The following ROBO2 variants were observed in gnomAD, a reference collection of about 807,000 sequenced individuals.
ROBO2 encodes the protein roundabout guidance receptor 2.
A neutral mutation model predicts 160.8 loss-of-function variants in ROBO2; 53 were observed. That is an observed-to-expected ratio of 0.33 (90% CI 0.26 to 0.41). ROBO2 has a LOEUF of 0.41. Ranked by LOEUF, ROBO2 falls within the 10% of genes least tolerant of loss-of-function variation. The pLI is 1.00. For synonymous variants in ROBO2, 664 were observed against 611.7 expected (o/e 1.09, Z -1.26); for missense variants, 1,577 against 1,722.4 (o/e 0.92, Z 1.49).
intron 2 of ROBO2, among the ~76,000 whole-genome samples, chr3:76,219,450 A>G (rs1703803751): frequency 6.6e-6 from 1 of 152,238 alleles, no homozygotes; most frequent in African/African-American, 2.4e-5. Context: ...AATATCCAGA[A>G]TCTACAATGA....
At chr3:77,015,710 A>G (rs1246386311) in intron 2 of ROBO2, among the ~76,000 whole-genome samples, 1 of 152,206 alleles carries the variant, frequency 6.6e-6, no homozygotes, top group Non-Finnish European at 1.5e-5. Context: ...ACTGAAAAGA[A>G]GGGCTATTCA....
At chr3:77,526,041 T>A (rs1445975767) in intron 6 of ROBO2, among the ~76,000 whole-genome samples, 1 of 151,368 alleles carries the variant, frequency 6.6e-6, no homozygotes, top group Non-Finnish European at 1.5e-5. Context: ...CTCACTCCCC[T>A]GCAAAAAGAA....
At chr3:76,198,984 A>G (rs1030587382) in intron 2 of ROBO2, among the ~76,000 whole-genome samples, 2 of 152,134 alleles carry the variant, frequency 1.3e-5, no homozygotes, top group Non-Finnish European at 2.9e-5. Context: ...CATGTTCTCA[A>G]TGGGGCTGGG....
At chr3:76,048,469 G>T (rs2067523982) in intron 2 of ROBO2, among the ~76,000 whole-genome samples, 2 of 152,202 alleles carry the variant, frequency 1.3e-5, no homozygotes, top group Admixed American at 1.3e-4. Flanking sequence ...AAATGAGTTT[G>T]TACATAAACT....
chr3:77,469,388 GC>G (rs144194987), intron 2 of ROBO2, among the ~76,000 whole-genome samples: 3,793 of 152,132 alleles, frequency 0.025, 57 homozygotes, highest in South Asian at 0.04. Flanking sequence ...GAGATAGGGT[GC>G]TTTTTTCATG....
upstream of ROBO2, among the ~76,000 whole-genome samples, chr3:77,035,387 A>T (rs1028962521): frequency 2.0e-5 from 3 of 151,882 alleles, 1 homozygote; most frequent in South Asian, 6.2e-4. Context: ...TTTATTCAAT[A>T]GTTATGTTAA....
Position 76,672,352 on chromosome 3 carries a change from T to G in ROBO2, c.110-425662T>G, listed in dbSNP as rs1449961844. Among the ~76,000 whole-genome samples the G allele has an allele frequency of 3.9e-5, 6 of 152,288 alleles. 1 individual carries two copies. The East Asian group carries it at 9.7e-4, about 25-fold the overall frequency. On this transcript the variant is annotated intron_variant, in intron 2 of 26. Coordinates refer to the ROBO2 transcript ENST00000487694. Reference sequence around the variant, plus strand: ...CAGAACTTCATGTCCTAGTGACACTTAGCTATAAGTCATACTAGACAATAT... The same window carrying G: ...CAGAACTTCATGTCCTAGTGACACTGAGCTATAAGTCATACTAGACAATAT...
chr3:76,010,300 G>A (rs911729313), intron 2 of ROBO2, among the ~76,000 whole-genome samples: 2 of 152,242 alleles, frequency 1.3e-5, no homozygotes, highest in African/African-American at 2.4e-5. Flanking sequence ...ACTGCCTGCT[G>A]TGTATATGCA....
At position 76,895,965 on chromosome 3, in the gene ROBO2, G is replaced by T. The variant is rs79695184; in HGVS notation, c.110-202049G>T. 1.6e-4 allele frequency among the ~76,000 whole-genome samples: 25 copies of T among 152,174 alleles called. 2 individuals are homozygous for T. In the South Asian group the frequency reaches 5.0e-3, roughly 30 times the overall value. On this transcript the variant is annotated intron_variant, in intron 2 of 26. Transcript: ENST00000487694. ...TTTTGCTCCTTGGACAGCCTGACTC[G>T]CCTTCTAATCCATCACAACGGCATG...
intron 2 of ROBO2, among the ~76,000 whole-genome samples, chr3:76,973,639 A>G (rs555235989): frequency 3.3e-5 from 5 of 152,192 alleles, no homozygotes; most frequent in African/African-American, 1.2e-4. Context: ...CACCTTATCT[A>G]TTAACTACAT....
intron 1 of ROBO2, 134 bp downstream of exon 1, chr3:77,040,980 G>C: frequency 8.9e-7 from 1 of 1,128,466 alleles, no homozygotes; most frequent in South Asian, 1.3e-5. Flanking sequence ...CCCGGCACGG[G>C]CTCCTTGGGG....
chr3:76,802,887 A>G (rs907276784), intron 2 of ROBO2, among the ~76,000 whole-genome samples: 1 of 152,194 alleles, frequency 6.6e-6, no homozygotes, highest in Non-Finnish European at 1.5e-5. Context: ...AGTGAAGCCC[A>G]AGGACAAATG....
chr3:76,218,218 C>A (rs1703698199), intron 2 of ROBO2, among the ~76,000 whole-genome samples: 4 of 152,134 alleles, frequency 2.6e-5, no homozygotes, highest in Admixed American at 2.6e-4. Context: ...ACTGAATGGA[C>A]AAAAACTGGA....
intron 2 of ROBO2, among the ~76,000 whole-genome samples, chr3:76,056,517 A>C (rs6779783): frequency 0.56 from 83,790 of 150,944 alleles, 23,552 homozygotes; most frequent in Middle Eastern, 0.74. Flanking sequence ...AAGAAAAAAA[A>C]CCCATTCACT....
At chr3:76,505,926 T>C (rs1437836744) in intron 2 of ROBO2, among the ~76,000 whole-genome samples, 1 of 152,214 alleles carries the variant, frequency 6.6e-6, no homozygotes, top group Non-Finnish European at 1.5e-5. Flanking sequence ...TTTTATACAC[T>C]TACACATTTG....
chr3:76,872,548 T>G (rs1451057428), intron 2 of ROBO2, among the ~76,000 whole-genome samples: 2 of 151,992 alleles, frequency 1.3e-5, no homozygotes, highest in Non-Finnish European at 2.9e-5. Context: ...TTCAAATATC[T>G]TATTACATTC....
chr3:77,534,211 C>T (rs1439937539), intron 6 of ROBO2, among the ~76,000 whole-genome samples: 5 of 151,918 alleles, frequency 3.3e-5, no homozygotes, highest in African/African-American at 1.2e-4. Flanking sequence ...TTTTGTTGTA[C>T]TCAATACAGG....
chr3:76,999,871 G>A (rs1453883424), intron 2 of ROBO2, among the ~76,000 whole-genome samples: 1 of 152,036 alleles, frequency 6.6e-6, no homozygotes, highest in Non-Finnish European at 1.5e-5. Context: ...TGTTTCATGT[G>A]TTGTTTTTCT....
chr3:76,094,248 G>A (rs1286475759), intron 2 of ROBO2, among the ~76,000 whole-genome samples: 2 of 152,154 alleles, frequency 1.3e-5, no homozygotes, highest in Non-Finnish European at 2.9e-5. Context: ...TGCCTGCCTT[G>A]TAGGATCGGC....
Sources: allele counts gnomAD v4.1 joint callset (sites outside exome capture counted in the v4.1 genomes callset), GRCh38; gene constraint gnomAD v4.1.1; transcripts MANE v1.5; gene names NCBI Gene and HGNC (gene_info 2026-07-23, HGNC 2026-07-21).